The following IL1RAPL1 variants were observed in gnomAD, a reference collection of about 807,000 sequenced individuals.
IL1RAPL1 encodes interleukin-1 receptor accessory protein-like 1.
Under a neutral mutation model 48.4 loss-of-function variants are expected in IL1RAPL1, and 3 were observed. The observed-to-expected ratio is 0.06, with a 90% CI of 0.03 to 0.16. The LOEUF (loss-of-function observed/expected upper bound fraction) is 0.16. Among genes scored for constraint, IL1RAPL1 ranks in the 10% least tolerant of loss-of-function variants. The pLI, the probability that IL1RAPL1 is intolerant of heterozygous loss-of-function variation, is 1.00. For synonymous variants in IL1RAPL1, 185 were observed against 187.7 expected, an observed-to-expected ratio of 0.99 and a Z score of 0.12; for missense variants, 349 against 530.6, an observed-to-expected ratio of 0.66 and a Z score of 3.36.
intron 5 of IL1RAPL1, among the ~76,000 whole-genome samples, chrX:29,583,460 C>T (rs1309932480): frequency 4.1e-5 from 1 of 24,175 alleles, no homozygotes; most frequent in African/African-American, 1.8e-4. Flanking sequence ...AGTGAACTCC[C>T]ATTCACAATT....
chrX:29,436,083 G>A (rs1055848686), intron 5 of IL1RAPL1, among the ~76,000 whole-genome samples: 1 of 109,109 alleles, frequency 9.2e-6, no homozygotes, highest in Non-Finnish European at 1.9e-5. Context: ...AAGTCCATTG[G>A]ACTGGCAGTT....
intron 2 of IL1RAPL1, among the ~76,000 whole-genome samples, chrX:29,117,630 G>T: frequency 8.9e-6 from 1 of 111,905 alleles, no homozygotes; most frequent in South Asian, 3.7e-4. Context: ...CATTTTAAAG[G>T]CCAAAGAGAG....
At chrX:29,236,545 C>CTTTTTTTTTTTTTTTTTT (rs754996544) in intron 2 of IL1RAPL1, among the ~76,000 whole-genome samples, 37 of 63,149 alleles carry the variant, frequency 5.9e-4, no homozygotes, top group East Asian at 1.0e-3. Flanking sequence ...CTTTTTTTTT[C>CTTTTTTTTTTTTTTTTTT]TTTTTTTTTT....
At chrX:29,776,345 A>T (rs184969156) in intron 6 of IL1RAPL1, among the ~76,000 whole-genome samples, 112 of 111,282 alleles carry the variant, frequency 1.0e-3, no homozygotes, top group African/African-American at 3.5e-3. Flanking sequence ...CACAATTTGT[A>T]TCCTCTAGCC....
intron 1 of IL1RAPL1, among the ~76,000 whole-genome samples, chrX:28,619,563 C>T (rs1205824471): frequency 1.0e-5 from 1 of 97,438 alleles, no homozygotes; most frequent in Non-Finnish European, 2.0e-5. Context: ...GCTGAGATCA[C>T]GACACTGCAT....
intron 3 of IL1RAPL1, among the ~76,000 whole-genome samples, chrX:29,389,801 G>A (rs7053536): frequency 3.6e-5 from 4 of 112,269 alleles, no homozygotes; most frequent in African/African-American, 9.7e-5. Flanking sequence ...TGAGAAGGCA[G>A]TAAACTGGCA....
At chrX:28,884,791 A>C (rs914480247) in intron 2 of IL1RAPL1, among the ~76,000 whole-genome samples, 4 of 111,739 alleles carry the variant, frequency 3.6e-5, no homozygotes, top group Non-Finnish European at 5.7e-5. Context: ...AAAGGACAAA[A>C]AATAAAATAT....
At chrX:29,539,395 T>C (rs1921356984) in intron 5 of IL1RAPL1, among the ~76,000 whole-genome samples, 1 of 111,440 alleles carries the variant, frequency 9.0e-6, no homozygotes, top group Non-Finnish European at 1.9e-5. Flanking sequence ...AAACTAGACA[T>C]TGAAGGAACA....
At chrX:28,781,318 A>AT (rs770502660) in intron 1 of IL1RAPL1, among the ~76,000 whole-genome samples, 3,296 of 101,922 alleles carry the variant, frequency 0.032, 133 homozygotes, top group African/African-American at 0.11. Flanking sequence ...TTTTATTTTT[A>AT]TTTTTTTTTG....
intron 6 of IL1RAPL1, among the ~76,000 whole-genome samples, chrX:29,915,714 CTTTTT>C (rs201364121): frequency 1.8e-5 from 1 of 54,310 alleles, no homozygotes. Flanking sequence ...TGGTAATATT[CTTTTT>C]TTTTTTTTTT....
chrX:29,023,525 A>G (rs762849707), intron 2 of IL1RAPL1, among the ~76,000 whole-genome samples: 15 of 112,738 alleles, frequency 1.3e-4, no homozygotes, highest in Non-Finnish European at 2.6e-4. Flanking sequence ...GAATAACAGA[A>G]CATTCAACTC....
chrX:29,230,280 G>T (rs1027444854), intron 2 of IL1RAPL1, among the ~76,000 whole-genome samples: 4 of 109,665 alleles, frequency 3.6e-5, no homozygotes, highest in Non-Finnish European at 7.6e-5. Context: ...ATTTGGAGTT[G>T]ACTGTATTAT....
At chrX:29,414,710 T>C (rs1363220804) in intron 5 of IL1RAPL1, among the ~76,000 whole-genome samples, 1 of 112,090 alleles carries the variant, frequency 8.9e-6, no homozygotes, top group Non-Finnish European at 1.9e-5. Context: ...TCAAAGATTT[T>C]TTTTTAAAGA....
At chrX:29,014,094 C>G (rs989408006) in intron 2 of IL1RAPL1, among the ~76,000 whole-genome samples, 6 of 111,764 alleles carry the variant, frequency 5.4e-5, no homozygotes, top group Non-Finnish European at 7.5e-5. Context: ...CAACAATGCT[C>G]CTGCTCATTC....
intron 6 of IL1RAPL1, among the ~76,000 whole-genome samples, chrX:29,772,252 TAAA>T (rs67864442): frequency 1.1e-5 from 1 of 95,100 alleles, no homozygotes; most frequent in Non-Finnish European, 2.1e-5. Flanking sequence ...CCCTGTTTCT[TAAA>T]AAAAAAAAAA....
At chrX:29,170,203 A>G (rs1290785198) in intron 2 of IL1RAPL1, among the ~76,000 whole-genome samples, 2 of 111,548 alleles carry the variant, frequency 1.8e-5, no homozygotes, top group Non-Finnish European at 3.8e-5. Flanking sequence ...TACCTAGTCA[A>G]GTTGCTAGAG....
Position 28,928,569 on chromosome X carries a change from T to G in IL1RAPL1, c.82+139144T>G, listed in dbSNP as rs145679132. On this transcript the variant is annotated intron_variant, in intron 2 of 10. Coordinates refer to ENST00000378993, the MANE Select transcript of IL1RAPL1 (RefSeq NM_014271.4). ...AGGCCAACTCCTACATTAGCATCTTTATGTAGTTAGTAGATGTTTCTCTGC... is the reference window on the plus strand; with the variant it reads ...AGGCCAACTCCTACATTAGCATCTTGATGTAGTTAGTAGATGTTTCTCTGC... Among the ~76,000 whole-genome samples the G allele has an allele frequency of 3.5e-3, 387 of 112,040 alleles. 1 individual carries two copies. The highest frequency in any genetic ancestry group is 0.011 in the African/African-American group (349 of 30,915).
chrX:29,244,253 C>G (rs1482350227), intron 2 of IL1RAPL1, among the ~76,000 whole-genome samples: 1 of 112,106 alleles, frequency 8.9e-6, no homozygotes, highest in African/African-American at 3.2e-5. Flanking sequence ...TCTCAGGGAT[C>G]TGTCTGGTGA....
At chrX:28,834,074 G>A (rs1197155004) in intron 2 of IL1RAPL1, among the ~76,000 whole-genome samples, 1 of 111,445 alleles carries the variant, frequency 9.0e-6, no homozygotes, top group Middle Eastern at 4.2e-3. Context: ...TTTAATAAAT[G>A]TATGCATATG....
Sources: allele counts gnomAD v4.1 joint callset (sites outside exome capture counted in the v4.1 genomes callset), GRCh38; gene constraint gnomAD v4.1.1; transcripts MANE v1.5; gene names NCBI Gene and HGNC (gene_info 2026-07-23, HGNC 2026-07-21).